Variants in SAMD12 observed in about 807,000 individuals in gnomAD.
SAMD12 encodes sterile alpha motif domain containing 12.
In SAMD12, 9 loss-of-function variants were observed where a neutral mutation model predicts 15.0. The observed-to-expected ratio is 0.60, with a 90% CI of 0.36 to 1.05. SAMD12 has a LOEUF of 1.05. Among genes scored for constraint, SAMD12 ranks in the 50% least tolerant of loss-of-function variants. The probability of loss-of-function intolerance (pLI) is 0.01; values close to 1 mark genes in which losing one functional copy is unlikely to be tolerated. For synonymous variants in SAMD12, 86 were observed against 90.1 expected, an observed-to-expected ratio of 0.96 and a Z score of 0.25; for missense variants, 230 against 234.2, an observed-to-expected ratio of 0.98 and a Z score of 0.12.
chr8:118,138,023 G>C, the SAMD12 span, among the ~76,000 whole-genome samples: 1 of 151,594 alleles, frequency 6.6e-6, no homozygotes, highest in Non-Finnish European at 1.5e-5. Context: ...ATCAATGTTA[G>C]GCAGAATGAG....
intron 2 of SAMD12, among the ~76,000 whole-genome samples, chr8:118,486,437 G>GAA (rs34959658): frequency 6.6e-6 from 1 of 150,920 alleles, no homozygotes; most frequent in Non-Finnish European, 1.5e-5. Flanking sequence ...GAGAGAGAGA[G>GAA]TAGCAAAAGA....
chr8:118,359,444 A>G (rs972417441), intron 4 of SAMD12, among the ~76,000 whole-genome samples: 22 of 152,156 alleles, frequency 1.4e-4, no homozygotes, highest in African/African-American at 5.1e-4. Flanking sequence ...ATCTCCCACC[A>G]TGTTCCAAAC....
chr8:118,502,179 G>C (rs2131043142), intron 2 of SAMD12, among the ~76,000 whole-genome samples: 1 of 152,156 alleles, frequency 6.6e-6, no homozygotes, highest in East Asian at 1.9e-4. Context: ...TATTTATTAG[G>C]AGACTATTTT....
At chr8:118,608,104 A>G (rs1049293811) in intron 1 of SAMD12, among the ~76,000 whole-genome samples, 2 of 152,018 alleles carry the variant, frequency 1.3e-5, no homozygotes, top group Non-Finnish European at 2.9e-5. Flanking sequence ...TTTCCACCTC[A>G]GTACATTTTC....
chr8:118,465,518 C>A (rs1405915208), intron 2 of SAMD12, among the ~76,000 whole-genome samples: 4 of 152,138 alleles, frequency 2.6e-5, no homozygotes, highest in Non-Finnish European at 5.9e-5. Flanking sequence ...CAGTCCTGCA[C>A]AGTCTCTAGA....
At chr8:118,542,956 A>C (rs1238421647) in intron 2 of SAMD12, among the ~76,000 whole-genome samples, 1 of 152,202 alleles carries the variant, frequency 6.6e-6, no homozygotes, top group Non-Finnish European at 1.5e-5. Context: ...CAACATAGAC[A>C]TAAAAGAGGG....
chr8:118,523,773 C>T (rs186152090), intron 2 of SAMD12, among the ~76,000 whole-genome samples: 10 of 152,236 alleles, frequency 6.6e-5, no homozygotes, highest in Admixed American at 5.9e-4. Context: ...CCTTCTGTAG[C>T]ATCTACTCTC....
chr8:118,615,429 A>G (rs1026344998), intron 1 of SAMD12, among the ~76,000 whole-genome samples: 4 of 152,060 alleles, frequency 2.6e-5, no homozygotes, highest in African/African-American at 9.7e-5. Flanking sequence ...CAGGGGTCAG[A>G]GTGGGCTAAG....
At chr8:118,168,079 T>A in the SAMD12 span, among the ~76,000 whole-genome samples, 7 of 152,220 alleles carry the variant, frequency 4.6e-5, no homozygotes, top group African/African-American at 1.7e-4. Context: ...TGAAATCTGA[T>A]GAATTTATCA....
At chr8:118,586,879 T>C (rs186678874) in intron 1 of SAMD12, among the ~76,000 whole-genome samples, 24 of 152,228 alleles carry the variant, frequency 1.6e-4, no homozygotes, top group Admixed American at 2.6e-4. Flanking sequence ...CTCACTGCCA[T>C]TCGGTACTGA....
intron 1 of SAMD12, among the ~76,000 whole-genome samples, chr8:118,594,391 T>A (rs1287745109): frequency 6.6e-6 from 1 of 152,082 alleles, no homozygotes; most frequent in African/African-American, 2.4e-5. Context: ...TCTGTGCACA[T>A]GAGTTTTAAT....
intron 3 of SAMD12, among the ~76,000 whole-genome samples, chr8:118,422,437 T>C (rs1822040573): frequency 6.6e-6 from 1 of 151,614 alleles, no homozygotes; most frequent in South Asian, 2.1e-4. Flanking sequence ...CCAGAGAGGG[T>C]AGGGAGGAGG....
chr8:118,507,900 G>A (rs935772242), intron 2 of SAMD12, among the ~76,000 whole-genome samples: 1 of 152,046 alleles, frequency 6.6e-6, no homozygotes, highest in Non-Finnish European at 1.5e-5. Flanking sequence ...TACCCTGAGG[G>A]AGGGTGGTAC....
At chr8:118,269,594 G>A (rs1476250282) in intron 4 of SAMD12, among the ~76,000 whole-genome samples, 4 of 152,182 alleles carry the variant, frequency 2.6e-5, no homozygotes, top group Middle Eastern at 3.4e-3. Context: ...CCAAATACCT[G>A]AGAGTTGCCT....
chr8:118,506,245 T>C (rs912771001), intron 2 of SAMD12, among the ~76,000 whole-genome samples: 2 of 152,238 alleles, frequency 1.3e-5, no homozygotes, highest in Non-Finnish European at 2.9e-5. Context: ...TGCTAACCAA[T>C]GGTTTTGCAT....
chr8:118,292,402 C>T (rs939895950), intron 4 of SAMD12, among the ~76,000 whole-genome samples: 5 of 110,104 alleles, frequency 4.5e-5, no homozygotes, highest in African/African-American at 9.7e-5. Context: ...GGATCAAAGG[C>T]AGTGTTCACA....
downstream of SAMD12, among the ~76,000 whole-genome samples, chr8:118,377,496 C>T (rs1437287155): frequency 1.3e-5 from 2 of 152,016 alleles, no homozygotes; most frequent in African/African-American, 2.4e-5. Flanking sequence ...GAGAACAATG[C>T]GGCCTTCCAA....
At chr8:118,575,627 G>C (rs1827128332) in intron 2 of SAMD12, among the ~76,000 whole-genome samples, 1 of 152,126 alleles carries the variant, frequency 6.6e-6, no homozygotes, top group South Asian at 2.1e-4. Context: ...TTTTTATAAA[G>C]GAAAGGTACA....
At chr8:118,605,835 G>A (rs1450716735) in intron 1 of SAMD12, among the ~76,000 whole-genome samples, 3 of 116,492 alleles carry the variant, frequency 2.6e-5, no homozygotes, top group Non-Finnish European at 5.3e-5. Context: ...TATATATACT[G>A]ACCATCAACA....
Sources: gnomAD v4.1 joint callset for allele counts (sites outside exome capture counted in the v4.1 genomes callset) on GRCh38, gnomAD v4.1.1 for gene constraint, MANE v1.5 for transcripts, NCBI Gene and HGNC (gene_info 2026-07-23, HGNC 2026-07-21) for gene names.